The following TMEM132D variants were observed in gnomAD, a reference collection of about 807,000 sequenced individuals.
TMEM132D encodes the protein mature OL transmembrane protein.
In TMEM132D, 21 loss-of-function variants were observed where a neutral mutation model predicts 62.3. The ratio of observed to expected loss-of-function variants is 0.34; its 90% CI spans 0.24 to 0.49. The LOEUF (loss-of-function observed/expected upper bound fraction) is 0.49. Among genes scored for constraint, TMEM132D ranks in the 20% least tolerant of loss-of-function variants. TMEM132D has a pLI of 0.99. For missense variants in TMEM132D, 1,346 were observed against 1,402.8 expected, an observed-to-expected ratio of 0.96 and a Z score of 0.65; for synonymous variants, 621 against 575.6, an observed-to-expected ratio of 1.08 and a Z score of -1.13.
At chr12:129,585,501 C>T (rs535664214) in intron 2 of TMEM132D, among the ~76,000 whole-genome samples, 6 of 152,262 alleles carry the variant, frequency 3.9e-5, no homozygotes, top group South Asian at 2.1e-4. Context: ...GCGTTCCATG[C>T]GTTATTAACC....
chr12:129,450,064 T>A (rs1873226606), intron 3 of TMEM132D, among the ~76,000 whole-genome samples: 1 of 152,128 alleles, frequency 6.6e-6, no homozygotes, highest in Admixed American at 6.6e-5. Context: ...TCTGCACGGG[T>A]TTTTTTCTCG....
chr12:129,695,183 C>T (rs956266516), intron 2 of TMEM132D, among the ~76,000 whole-genome samples: 2 of 152,094 alleles, frequency 1.3e-5, no homozygotes, highest in African/African-American at 4.8e-5. Context: ...TTCCAGGAGA[C>T]ATGACCCCTA....
At chr12:129,270,092 A>G (rs947693957) in intron 4 of TMEM132D, among the ~76,000 whole-genome samples, 17 of 152,294 alleles carry the variant, frequency 1.1e-4, no homozygotes, top group African/African-American at 3.4e-4. Context: ...TCAGAGTCTC[A>G]ATTTGTCAAG....
intron 4 of TMEM132D, among the ~76,000 whole-genome samples, chr12:129,260,112 G>C (rs944241526): frequency 6.6e-6 from 1 of 152,170 alleles, no homozygotes; most frequent in African/African-American, 2.4e-5. Context: ...AGAGGAAAGA[G>C]TCTACCACAG....
intron 4 of TMEM132D, among the ~76,000 whole-genome samples, chr12:129,216,715 G>A (rs556882402): frequency 2.6e-5 from 4 of 152,296 alleles, no homozygotes; most frequent in East Asian, 1.9e-4. Context: ...ACTAGGAAGC[G>A]AATACAGTGA....
At position 129,274,183 on chromosome 12, in the gene TMEM132D, T is replaced by A. The variant is rs191253867; in HGVS notation, c.1299+63451A>T. Among the ~76,000 whole-genome samples the A allele has an allele frequency of 6.9e-3, 1,043 of 151,956 alleles. 12 individuals are homozygous for A. Among genetic ancestry groups the A allele is most frequent in the Non-Finnish European group, 0.011 (732 of 68,022 alleles). On this transcript the variant is annotated intron_variant, in intron 4 of 8. Transcript: ENST00000422113. ...TTAAAAGGAACTGGGAGAGTCTCTG[T>A]TCCCCCTGTGTCTCCATCCAACAAG...
chr12:129,466,125 T>A (rs112657869), intron 3 of TMEM132D, among the ~76,000 whole-genome samples: 1 of 144,762 alleles, frequency 6.9e-6, no homozygotes, highest in African/African-American at 2.5e-5. Context: ...ACTATAGATT[T>A]ATTATTGATA....
chr12:129,351,391 C>T (rs917111083), intron 3 of TMEM132D, among the ~76,000 whole-genome samples: 2 of 152,212 alleles, frequency 1.3e-5, no homozygotes, highest in Non-Finnish European at 2.9e-5. Flanking sequence ...TAGCCAAGCA[C>T]ACTGCTGCAG....
chr12:129,327,566 A>T (rs1868956991), intron 4 of TMEM132D, among the ~76,000 whole-genome samples: 1 of 152,342 alleles, frequency 6.6e-6, no homozygotes, highest in South Asian at 2.1e-4. Flanking sequence ...TTCACTGGAC[A>T]GTGTCTAGTC....
intron 2 of TMEM132D, among the ~76,000 whole-genome samples, chr12:129,630,342 G>A (rs1879320741): frequency 6.6e-6 from 1 of 152,158 alleles, no homozygotes; most frequent in Non-Finnish European, 1.5e-5. Flanking sequence ...AAAAACCACA[G>A]GACACAGATT....
intron 5 of TMEM132D, among the ~76,000 whole-genome samples, chr12:129,086,350 A>G (rs1874621973): frequency 6.6e-6 from 1 of 152,104 alleles, no homozygotes; most frequent in Non-Finnish European, 1.5e-5. Context: ...TCACCCAAAT[A>G]ATGTACATTG....
At chr12:129,226,047 G>A (rs76855552) in intron 4 of TMEM132D, among the ~76,000 whole-genome samples, 3,380 of 152,312 alleles carry the variant, frequency 0.022, 207 homozygotes, top group East Asian at 0.18. Context: ...AGCCGTAGAA[G>A]CTGTATTTTA....
chr12:129,080,905 G>A (rs11831651), intron 7 of TMEM132D, among the ~76,000 whole-genome samples: 4 of 152,056 alleles, frequency 2.6e-5, no homozygotes, highest in African/African-American at 4.8e-5. Context: ...GGTCCTCTCC[G>A]TCACCCGCTC....
At position 129,090,807 on chromosome 12, in the gene TMEM132D, C is replaced by A. The variant is rs7300279; in HGVS notation, c.1444-6105G>T. Among the ~76,000 whole-genome samples the A allele has an allele frequency of 2.6e-5, 4 of 152,280 alleles. No individual in the cohort carries two copies. The South Asian group carries it at 8.3e-4, about 32-fold the overall frequency. On this transcript the variant is annotated intron_variant, in intron 5 of 8. Transcript: ENST00000422113. ...GAATTCAGACACTGGCAAAATGGGG[C>A]CTCCAATCTGACTTGGCCCTGATGG... is the stretch of plus-strand genomic sequence containing the variant.
chr12:129,509,831 G>C (rs1444061571), intron 3 of TMEM132D, among the ~76,000 whole-genome samples: 1 of 152,052 alleles, frequency 6.6e-6, no homozygotes. Flanking sequence ...GTAGTACTCC[G>C]TTGTATATAT....
intron 2 of TMEM132D, among the ~76,000 whole-genome samples, chr12:129,692,960 C>A (rs1361706043): frequency 2.6e-5 from 4 of 152,114 alleles, no homozygotes; most frequent in Admixed American, 1.3e-4. Context: ...ATGTAACAAA[C>A]CTGCACATCC....
chr12:129,511,970 T>C (rs1220176566), intron 3 of TMEM132D, among the ~76,000 whole-genome samples: 1 of 152,244 alleles, frequency 6.6e-6, no homozygotes, highest in Non-Finnish European at 1.5e-5. Flanking sequence ...TAGCTACATT[T>C]ACAGTGTGTT....
intron 1 of TMEM132D, among the ~76,000 whole-genome samples, chr12:129,762,837 GT>G (rs1219895103): frequency 1.3e-5 from 2 of 152,180 alleles, no homozygotes; most frequent in Admixed American, 1.3e-4. Flanking sequence ...TGTCTAATAT[GT>G]TTTGTACCAC....
chr12:129,384,363 AAAAT>A (rs972587464), intron 3 of TMEM132D, among the ~76,000 whole-genome samples: 1 of 152,222 alleles, frequency 6.6e-6, no homozygotes, highest in South Asian at 2.1e-4. Flanking sequence ...CACAAAAGAC[AAAAT>A]AAATAAATAA....
Sources: gnomAD v4.1 joint callset for allele counts (sites outside exome capture counted in the v4.1 genomes callset) on GRCh38, gnomAD v4.1.1 for gene constraint, MANE v1.5 for transcripts, NCBI Gene and HGNC (gene_info 2026-07-23, HGNC 2026-07-21) for gene names.